The following DST variants were observed in gnomAD, a reference collection of about 807,000 sequenced individuals.
DST encodes the protein bullous pemphigoid antigen.
In DST, 253 loss-of-function variants were observed where a neutral mutation model predicts 875.2. The observed-to-expected ratio is 0.29, with a 90% confidence interval of 0.26 to 0.32. The LOEUF is 0.32. Ranked by LOEUF, DST falls within the 10% of genes least tolerant of loss-of-function variation. DST has a pLI of 1.00. For synonymous variants in DST, 3,124 were observed against 3,197.1 expected (o/e 0.98, Z 0.77); for missense variants, 8,287 against 9,111.6 (o/e 0.91, Z 3.68).
At chr6:56,767,139 A>C (rs1441951937) in intron 4 of DST, among the ~76,000 whole-genome samples, 1 of 152,230 alleles carries the variant, frequency 6.6e-6, no homozygotes, top group African/African-American at 2.4e-5. Context: ...ATGAATCAGC[A>C]TTCTTGCACA....
chr6:56,562,430 T>C (rs182246184), intron 55 of DST, among the ~76,000 whole-genome samples: 1 of 152,050 alleles, frequency 6.6e-6, no homozygotes, highest in African/African-American at 2.4e-5. Flanking sequence ...ATGTTTATAT[T>C]ATATAAATTA....
intron 94 of DST, among the ~76,000 whole-genome samples, chr6:56,471,529 G>A (rs375069858): frequency 9.9e-5 from 15 of 152,136 alleles, no homozygotes; most frequent in African/African-American, 3.6e-4. Context: ...TCATAAAGGT[G>A]GTCCGGCTCT....
intron 4 of DST, among the ~76,000 whole-genome samples, chr6:56,746,215 G>T (rs959912923): frequency 3.2e-4 from 48 of 152,112 alleles, no homozygotes; most frequent in African/African-American, 1.1e-3. Context: ...CCAACTCCTG[G>T]CCTCAAGCAA....
intron 82 of DST, among the ~76,000 whole-genome samples, chr6:56,496,292 T>A (rs1289314036): frequency 6.6e-6 from 1 of 152,070 alleles, no homozygotes; most frequent in Admixed American, 6.6e-5. Context: ...ACATTTCAAG[T>A]CTCATCATTT....
At chr6:56,677,312 A>G (rs1024111390) in intron 9 of DST, among the ~76,000 whole-genome samples, 22 of 152,006 alleles carry the variant, frequency 1.4e-4, no homozygotes, top group Non-Finnish European at 2.9e-5. Context: ...TGTACCATCC[A>G]TCCATCTATC....
At chr6:56,735,614 C>T (rs1470994556) in intron 4 of DST, among the ~76,000 whole-genome samples, 1 of 151,784 alleles carries the variant, frequency 6.6e-6, no homozygotes, top group African/African-American at 2.4e-5. Flanking sequence ...CACTGAATTT[C>T]CCAAAGCCCT....
chr6:56,893,477 T>G (rs966816553), intron 3 of DST, among the ~76,000 whole-genome samples: 7 of 149,276 alleles, frequency 4.7e-5, no homozygotes, highest in Admixed American at 2.0e-4. Context: ...TGTACAAGTA[T>G]ATTTTTCATA....
intron 9 of DST, among the ~76,000 whole-genome samples, chr6:56,680,910 CTG>C (rs1162576666): frequency 1.3e-5 from 2 of 152,236 alleles, no homozygotes; most frequent in African/African-American, 2.4e-5. Flanking sequence ...GAGCCAGACA[CTG>C]TGCTTAAGCT....
At position 56,631,980 on chromosome 6, in the gene DST, C is replaced by T. The variant is rs767407913; in HGVS notation, c.3866G>A (p.Arg1289Gln). The T allele has an allele frequency of 1.4e-5, 23 of 1,613,382 alleles. No individual in the cohort carries two copies. Among genetic ancestry groups the T allele is most frequent in the Non-Finnish European group, 1.7e-5 (20 of 1,179,486 alleles). ...YISEVRNIRL[R>Q]LENCEDRLIR... ...CAGCCGATCTTCACAGTTCTCTAACCGAAGTCTAATGTTTCGAACTTCAGA... is the reference window on the plus strand; with the variant it reads ...CAGCCGATCTTCACAGTTCTCTAACTGAAGTCTAATGTTTCGAACTTCAGA... The change falls in exon 29 of 104, where the codon CGG becomes CAG. Residue 1289 changes from arginine (R) to glutamine (Q), a missense_variant. Transcript: ENST00000680361.
At chr6:56,545,225 A>G (rs2097203693) in intron 61 of DST, among the ~76,000 whole-genome samples, 1 of 151,868 alleles carries the variant, frequency 6.6e-6, no homozygotes, top group African/African-American at 2.4e-5. Flanking sequence ...GATGGTTTTG[A>G]ACACCTGGGC....
At chr6:56,672,683 A>G (rs993185588) in intron 9 of DST, among the ~76,000 whole-genome samples, 1 of 152,082 alleles carries the variant, frequency 6.6e-6, no homozygotes, top group Non-Finnish European at 1.5e-5. Flanking sequence ...TAAAATGATG[A>G]TGATAATTAT....
At chr6:56,855,155 C>T (rs1414351030) in intron 3 of DST, among the ~76,000 whole-genome samples, 1 of 152,120 alleles carries the variant, frequency 6.6e-6, no homozygotes, top group Non-Finnish European at 1.5e-5. Context: ...AGTTACAAGC[C>T]AAAAACCCAG....
intron 10 of DST, among the ~76,000 whole-genome samples, chr6:56,658,691 G>A (rs1258583438): frequency 1.3e-5 from 2 of 152,192 alleles, no homozygotes; most frequent in Non-Finnish European, 2.9e-5. Context: ...CAAAAAACTA[G>A]CAAGTTCATT....
At chr6:56,857,278 A>C (rs774817872) in intron 3 of DST, among the ~76,000 whole-genome samples, 16 of 152,190 alleles carry the variant, frequency 1.1e-4, no homozygotes, top group Admixed American at 2.0e-4. Context: ...TTGGCATCTC[A>C]AAGTACTGGG....
chr6:56,826,600 C>A (rs923770929), intron 4 of DST, among the ~76,000 whole-genome samples: 2 of 152,114 alleles, frequency 1.3e-5, no homozygotes, highest in Non-Finnish European at 2.9e-5. Context: ...AACACATAAT[C>A]ATGTGCCTTT....
intron 9 of DST, among the ~76,000 whole-genome samples, chr6:56,687,838 C>T (rs16888118): frequency 0.28 from 41,620 of 148,836 alleles, 7,344 homozygotes; most frequent in African/African-American, 0.5. Flanking sequence ...ACTGTAAAGA[C>T]AGCACAAACA....
At chr6:56,836,485 A>C (rs761237731) in intron 4 of DST, among the ~76,000 whole-genome samples, 2 of 152,212 alleles carry the variant, frequency 1.3e-5, no homozygotes. Context: ...AACTTAAATG[A>C]ACATAAAACC....
At chr6:56,471,013 A>C in intron 95 of DST, 93 bp downstream of exon 95, 1 of 1,319,960 alleles carries the variant, frequency 7.6e-7, no homozygotes. Context: ...ACAATGCTTT[A>C]TTGTAACACA....
At chr6:56,564,333 T>C (rs9396221) in intron 55 of DST, among the ~76,000 whole-genome samples, 52,687 of 152,042 alleles carry the variant, frequency 0.35, 9,867 homozygotes, top group Admixed American at 0.42. Flanking sequence ...ATTCTCTTTG[T>C]AGCGATTGTG....
Sources: allele counts gnomAD v4.1 joint callset (sites outside exome capture counted in the v4.1 genomes callset), GRCh38; gene constraint gnomAD v4.1.1; transcripts MANE v1.5; gene names NCBI Gene and HGNC (gene_info 2026-07-23, HGNC 2026-07-21).